The following EIF4A1 variants were observed in gnomAD, a reference collection of about 807,000 sequenced individuals.
EIF4A1 encodes eukaryotic initiation factor 4A-I.
A neutral mutation model predicts 53.5 loss-of-function variants in EIF4A1; 11 were observed. The observed-to-expected ratio is 0.21, with a 90% CI of 0.13 to 0.34. The LOEUF (loss-of-function observed/expected upper bound fraction) is 0.34, where lower values mean the gene tolerates loss of function less well. Ranked by LOEUF, EIF4A1 falls within the 10% of genes least tolerant of loss-of-function variation. EIF4A1 has a pLI of 1.00. For synonymous variants in EIF4A1, 237 were observed against 186.7 expected (o/e 1.27, Z -2.20); for missense variants, 213 against 530.8 (o/e 0.40, Z 5.88).
intron 5 of EIF4A1, 146 bp from the exon 6 acceptor site, chr17:7,576,910 G>A (rs371110581): frequency 9.7e-6 from 13 of 1,336,100 alleles, no homozygotes; most frequent in African/African-American, 4.3e-5. Context: ...TCTGCCTGGC[G>A]GGAAGGTCCT....
intron 1 of EIF4A1, 51 bp downstream of exon 1, chr17:7,572,915 TCCGACGGGC>T: frequency 6.2e-7 from 1 of 1,614,032 alleles, no homozygotes; most frequent in Non-Finnish European, 8.5e-7. Flanking sequence ...GCCGCCCCCT[TCCGACGGGC>T]CCGCCGGGGG....
rs375942970 is a variant in EIF4A1 at position 7,574,542 on chromosome 17, C to G, written c.73-4C>G. On this transcript the variant is annotated splice_region_variant and splice_polypyrimidine_tract_variant and intron_variant, in intron 2 of 10. Transcript: ENST00000293831. ...TCAAGCTTTAATTTCTTTGCATCCC[C>G]TAGAGTAACTGGAATGAGATTGTTG... The G allele has an allele frequency of 2.2e-5, 35 of 1,612,682 alleles. No homozygotes were observed. The highest frequency in any genetic ancestry group is 2.8e-5 in the Non-Finnish European group (33 of 1,179,952).
chr17:7,575,039 A>G (rs2071382561), intron 3 of EIF4A1, 80 bp from the exon 4 acceptor site: 8 of 1,569,382 alleles, frequency 5.1e-6, no homozygotes, highest in Non-Finnish European at 6.9e-6. Context: ...TTGGTTGCTT[A>G]TTGACCTCAT....
At chr17:7,578,094 G>A (rs1468076496) in intron 9 of EIF4A1, 71 bp from the exon 10 acceptor site, 2 of 1,606,614 alleles carry the variant, frequency 1.2e-6, no homozygotes, top group Non-Finnish European at 1.7e-6. Context: ...CCACATGGAT[G>A]CCTAAGTGTC....
rs945223741 is a variant in EIF4A1 at position 7,577,498 on chromosome 17, G to T, written c.768+11G>T. On this transcript the variant is annotated intron_variant, in intron 7 of 10. Transcript: ENST00000293831. This position sits in a 1 kb window ranked among gnomAD's most constrained non-coding sequence, Gnocchi z 4.7. ...AACGTGGAACGAGAGGTGGGGCCCA[G>T]TGCAGGAGGCGGGCCTGGTAGTGAG... is the stretch of plus-strand genomic sequence containing the variant. 6.2e-7 allele frequency: 1 copy of T among 1,614,086 alleles called. No homozygotes were observed. The highest frequency in any genetic ancestry group is 1.1e-5 in the South Asian group (1 of 91,076).
At chr17:7,575,718 A>C (rs755477127) in intron 4 of EIF4A1, 47 of 287,360 alleles carry the variant, frequency 1.6e-4, no homozygotes, top group Non-Finnish European at 2.8e-4. Context: ...GTTCTGTGGC[A>C]GGGGCAGTGA....
At chr17:7,576,335 T>A (rs2071401497) in intron 4 of EIF4A1, 189 bp from the exon 5 acceptor site, 1 of 615,416 alleles carries the variant, frequency 1.6e-6, no homozygotes, top group Admixed American at 3.7e-5. Flanking sequence ...TGAAATCCTG[T>A]CTTTGCCACC....
At position 7,577,035 on chromosome 17, in the gene EIF4A1, G is replaced by A. The variant is rs372790135; in HGVS notation, c.515-21G>A. Reference sequence around the variant, plus strand: ...TTTCCCTAATCATATGCTATATATTGGCTTTTTTTTTCTTCTCTAGCCCCC... The same window carrying A: ...TTTCCCTAATCATATGCTATATATTAGCTTTTTTTTTCTTCTCTAGCCCCC... On this transcript the variant is annotated intron_variant, in intron 5 of 10. Transcript: ENST00000293831. The surrounding 1 kb of genome is among the most constrained non-coding windows in gnomAD (Gnocchi z 4.7). The A allele has an allele frequency of 9.3e-6, 15 of 1,612,844 alleles. No individual in the cohort carries two copies. The highest frequency in any genetic ancestry group is 1.7e-5 in the Admixed American group (1 of 59,956).
chr17:7,577,950 G>A lies in EIF4A1; in HGVS notation c.996+34G>A, dbSNP rs189630285. ...AGGGAACTGATAGCAAAGGCAGAAG[G>A]GAGGATCCAAGGTGATTCCCTCTCC... On this transcript the variant is annotated intron_variant, in intron 9 of 10. Transcript: ENST00000293831. This position sits in a 1 kb window ranked among gnomAD's most constrained non-coding sequence, Gnocchi z 4.7. The A allele has an allele frequency of 1.6e-4, 255 of 1,613,252 alleles. No individual in the cohort carries two copies. The highest frequency in any genetic ancestry group is 1.2e-3 in the Middle Eastern group (7 of 6,060).
chr17:7,577,364 A>G lies in EIF4A1; in HGVS notation c.645A>G (p.Thr215=). The G allele has an allele frequency of 6.2e-7, 1 of 1,614,034 alleles. No homozygotes were observed. The highest frequency in any genetic ancestry group is 1.3e-5 in the African/African-American group (1 of 75,022). Residue 215 remains threonine, a synonymous_variant, in exon 7 of 11, where the codon ACA becomes ACG. Coordinates refer to ENST00000293831, the MANE Select transcript of EIF4A1 (RefSeq NM_001416.4). The surrounding 1 kb of genome is among the most constrained non-coding windows in gnomAD (Gnocchi z 4.7). ...ACTAGGTAGTTTTGCTGTCAGCCAC[A>G]ATGCCTTCTGATGTGCTTGAGGTGA... ...SNTQVVLLSA[T]MPSDVLEVTK...
chr17:7,576,890 A>C, intron 5 of EIF4A1, 166 bp from the exon 6 acceptor site: 1 of 1,332,506 alleles, frequency 7.5e-7, no homozygotes, highest in Admixed American at 1.7e-5. Context: ...CCTACTTCCC[A>C]GGGCTGTTGT....
In EIF4A1 at chr17:7,578,254, G is replaced by A; in HGVS notation, c.1076+10G>A. On this transcript the variant is annotated intron_variant, in intron 10 of 10. Transcript: ENST00000293831. ...AAAACTATATCCACAGGTAAGCGTA[G>A]ATCTGGAACACTCCCCTACCCCTTC... 6.2e-7 allele frequency: 1 copy of A among 1,614,176 alleles called. No homozygotes were observed. The highest frequency in any genetic ancestry group is 8.5e-7 in the Non-Finnish European group (1 of 1,180,028).
At chr17:7,576,956 C>A in intron 5 of EIF4A1, 100 bp from the exon 6 acceptor site, 1 of 1,426,894 alleles carries the variant, frequency 7.0e-7, no homozygotes, top group Non-Finnish European at 9.9e-7. Context: ...TGAGAGCAGA[C>A]TACTTGGCTC....
rs904452626 is a variant in EIF4A1, at chr17:7,577,015, C to T, written c.515-41C>T. ...TTGGATATATCTCTCCCACATTTCCCTAATCATATGCTATATATTGGCTTT... is the reference window on the plus strand; with the variant it reads ...TTGGATATATCTCTCCCACATTTCCTTAATCATATGCTATATATTGGCTTT... On this transcript the variant is annotated intron_variant, in intron 5 of 10. Transcript: ENST00000293831. The surrounding 1 kb of genome is among the most constrained non-coding windows in gnomAD (Gnocchi z 4.7). The T allele has an allele frequency of 1.2e-6, 2 of 1,607,940 alleles. No homozygotes were observed. The highest frequency in any genetic ancestry group is 1.7e-6 in the Non-Finnish European group (2 of 1,174,988).
intron 1 of EIF4A1, chr17:7,573,801 T>TGGAGGGAGTGGG: frequency 6.7e-6 from 1 of 148,690 alleles, no homozygotes; most frequent in Non-Finnish European, 1.5e-5. Flanking sequence ...GGGCTTCGGC[T>TGGAGGGAGTGGG]GGAGGGAGTG....
At chr17:7,574,420 C>T (rs2071372389) in intron 2 of EIF4A1, 112 bp downstream of exon 2, 1 of 1,604,918 alleles carries the variant, frequency 6.2e-7, no homozygotes, top group Non-Finnish European at 8.5e-7. Flanking sequence ...GCTGGTTTCC[C>T]TAAAGGGAGG....
chr17:7,576,495 C>A, intron 4 of EIF4A1, 29 bp from the exon 5 acceptor site: 1 of 1,532,644 alleles, frequency 6.5e-7, no homozygotes, highest in Non-Finnish European at 8.8e-7. Context: ...TGGTAACTGA[C>A]ATATGAGCAC....
chr17:7,577,110 G>A lies in EIF4A1; in HGVS notation c.569G>A (p.Arg190His). 2 of 1,611,864 alleles carry A rather than the reference G, an allele frequency of 1.2e-6. No individual in the cohort carries two copies. Among genetic ancestry groups the A allele is most frequent in the Non-Finnish European group, 1.7e-6 (2 of 1,179,406 alleles). Reference protein sequence around the residue: ...VLDEADEMLSRGFKDQIYDIF... With the variant: ...VLDEADEMLSHGFKDQIYDIF... ...GATGAAGCTGACGAAATGTTAAGCC[G>A]TGGATTCAAGGACCAGATCTATGAC... Residue 190 changes from arginine to histidine, a missense_variant, in exon 6 of 11, where the codon CGT (arginine) becomes CAT (histidine). Physicochemically the swap from Arg to His is conservative, Grantham distance 29. This residue lies in a region of EIF4A1 where 119 missense variants were observed against 351.0 expected (regional missense o/e 0.34). Transcript: ENST00000293831. This position sits in a 1 kb window ranked among gnomAD's most constrained non-coding sequence, Gnocchi z 4.7.
chr17:7,572,838 G>C lies in EIF4A1; in HGVS notation c.-4G>C. The C allele has an allele frequency of 6.2e-7, 1 of 1,614,170 alleles. No homozygotes were observed. The highest frequency in any genetic ancestry group is 8.5e-7 in the Non-Finnish European group (1 of 1,179,974). On this transcript the variant is annotated 5_prime_UTR_variant, in exon 1 of 11. Coordinates refer to ENST00000293831, the MANE Select transcript of EIF4A1 (RefSeq NM_001416.4). ...CGGGCACTCCGCCCTAGTTTCTAAG[G>C]ATCATGTCTGCGAGCCAGGATTCCC...
Sources: allele counts gnomAD v4.1 joint callset, GRCh38; gene constraint gnomAD v4.1.1; regional missense constraint gnomAD v4.1.1; non-coding constraint Gnocchi (gnomAD v3.1); transcripts MANE v1.5; gene names NCBI Gene and HGNC (gene_info 2026-07-23, HGNC 2026-07-21).